ZFPL1: variants seen among roughly 807,000 people sequenced by gnomAD.
ZFPL1 encodes the protein zinc finger protein-like 1.
A neutral mutation model predicts 32.0 loss-of-function variants in ZFPL1; 28 were observed. The observed-to-expected ratio is 0.87, with a 90% confidence interval of 0.65 to 1.20. The LOEUF (loss-of-function observed/expected upper bound fraction) is 1.20, where lower values mean the gene tolerates loss of function less well. Among genes scored for constraint, ZFPL1 ranks in the 50% most tolerant of loss-of-function variants. The probability of loss-of-function intolerance (pLI) is 0.00; values close to 1 mark genes in which losing one functional copy is unlikely to be tolerated. For synonymous variants in ZFPL1, 165 were observed against 177.0 expected (o/e 0.93, Z 0.54); for missense variants, 386 against 424.8 (o/e 0.91, Z 0.80).
At chr11:65,085,997 T>C in intron 3 of ZFPL1, 1 of 238,898 alleles carries the variant, frequency 4.2e-6, no homozygotes, top group South Asian at 4.9e-5. Context: ...CCACTTGTGT[T>C]TGATTATGTG....
At chr11:65,084,475 T>C in intron 1 of ZFPL1, 97 bp downstream of exon 1, 1 of 575,902 alleles carries the variant, frequency 1.7e-6, no homozygotes, top group Non-Finnish European at 3.0e-6. Flanking sequence ...TGGAGGGGCC[T>C]GGCCGGGGGC....
chr11:65,085,007 A>G, intron 2 of ZFPL1, 108 bp from the exon 3 acceptor site: 1 of 1,184,030 alleles, frequency 8.4e-7, no homozygotes, highest in Non-Finnish European at 1.2e-6. Context: ...GATTAAACAA[A>G]CGAAAGGATG....
chr11:65,086,667 G>T (rs1565298916), intron 4 of ZFPL1, 53 bp from the exon 5 acceptor site: 1 of 1,614,068 alleles, frequency 6.2e-7, no homozygotes. Flanking sequence ...TGAGTCAGAT[G>T]GGTGGGTGGG....
intron 3 of ZFPL1, 171 bp from the exon 4 acceptor site, chr11:65,086,244 T>C (rs1308969205): frequency 3.3e-6 from 3 of 909,452 alleles, no homozygotes; most frequent in African/African-American, 3.3e-5. Flanking sequence ...TGGACTTAGA[T>C]GGTGGTAGCC....
At chr11:65,086,102 T>C (rs970350823) in intron 3 of ZFPL1, 4 of 444,198 alleles carry the variant, frequency 9.0e-6, no homozygotes, top group Admixed American at 8.1e-5. Context: ...CTGTTCATTA[T>C]TAGCCATTAG....
chr11:65,084,911 AG>A (rs1947657940), intron 2 of ZFPL1, 111 bp downstream of exon 2: 1 of 1,320,752 alleles, frequency 7.6e-7, no homozygotes, highest in Non-Finnish European at 1.1e-6. Context: ...CACAAGGGCA[AG>A]GACTTGATTT....
Position 65,088,309 on chromosome 11 carries a change from T to C in ZFPL1, c.*195T>C. On this transcript the variant is annotated 3_prime_UTR_variant, in exon 8 of 8. Transcript: ENST00000294258. ...AGTCCCCGTGGGTCAAGCATTTGTC[T>C]TGACTTGCTTTCCTCCCGGGTCTCC... The C allele has an allele frequency of 9.0e-7, 1 of 1,116,380 alleles. No individual in the cohort carries two copies. Among genetic ancestry groups the C allele is most frequent in the South Asian group, 1.4e-5 (1 of 72,262 alleles). The allele number at this position is 1,116,380 out of a possible 1,614,324, so 69.2% of individuals were successfully genotyped here. A position where few individuals can be genotyped will look rare whatever the true frequency, so the allele number is the denominator to read the frequency against.
In ZFPL1 at chr11:65,087,091, T is replaced by C. The variant is rs201616318; in HGVS notation, c.628+17T>C. The C allele has an allele frequency of 1.1e-5, 18 of 1,606,908 alleles. No homozygotes were observed. Among genetic ancestry groups the C allele is most frequent in the Non-Finnish European group, 1.4e-5 (17 of 1,174,886 alleles). On this transcript the variant is annotated intron_variant, in intron 6 of 7. Transcript: ENST00000294258. ...TGACTCACGGTGAGCCTGGGAGTTA[T>C]CCAGGCCGCAGAAGGATAGGAAGAG...
chr11:65,086,699 G>C, intron 4 of ZFPL1, 21 bp from the exon 5 acceptor site: 1 of 1,614,218 alleles, frequency 6.2e-7, no homozygotes, highest in Non-Finnish European at 8.5e-7. Flanking sequence ...GCAGCCTGGT[G>C]ACCCAGATTC....
intron 6 of ZFPL1, 56 bp downstream of exon 6, chr11:65,087,130 G>A: frequency 6.3e-7 from 1 of 1,584,172 alleles, no homozygotes; most frequent in Non-Finnish European, 8.6e-7. Context: ...GGAATGGTTT[G>A]TATAGGGGGA....
Position 65,086,057 on chromosome 11 carries a change from G to T in ZFPL1, c.215-358G>T, listed in dbSNP as rs144969534. 1.9e-3 allele frequency: 678 copies of T among 355,034 alleles called. 5 individuals are homozygous for T. Among genetic ancestry groups the T allele is most frequent in the African/African-American group, 0.013 (597 of 47,120 alleles). The allele number at this position is 355,034 out of a possible 1,614,324, so 22.0% of individuals were successfully genotyped here. ...CCCAGGGATGTGTACATGTATATGT[G>T]TGCCTGTGTGTGTATCGAGGAACCT... On this transcript the variant is annotated intron_variant, in intron 3 of 7. Transcript: ENST00000294258.
At chr11:65,085,530 TTAGC>T (rs942243770) in intron 3 of ZFPL1, 5 of 441,520 alleles carry the variant, frequency 1.1e-5, no homozygotes, top group Admixed American at 1.0e-4. Flanking sequence ...GCCGTGACTA[TTAGC>T]TAGCCAGACC....
At position 65,084,368 on chromosome 11, in the gene ZFPL1, C is replaced by A. The variant is rs960491137; in HGVS notation, c.-19C>A. ...CAGTGCAGCGGCCGATCAGTAAACACAGAGACTGGGGTCTGTAGAGAAGGG... is the reference window on the plus strand; with the variant it reads ...CAGTGCAGCGGCCGATCAGTAAACAAAGAGACTGGGGTCTGTAGAGAAGGG... On this transcript the variant is annotated 5_prime_UTR_variant, in exon 1 of 8. Coordinates refer to ENST00000294258, the MANE Select transcript of ZFPL1 (RefSeq NM_006782.4). 22 of 498,854 alleles carry A rather than the reference C, an allele frequency of 4.4e-5. No individual in the cohort carries two copies. The highest frequency in any genetic ancestry group is 3.8e-4 in the African/African-American group (18 of 46,896). The allele number at this position is 498,854 out of a possible 1,614,324, so 30.9% of individuals were successfully genotyped here.
intron 3 of ZFPL1, chr11:65,085,459 T>G: frequency 1.8e-6 from 1 of 558,582 alleles, no homozygotes; most frequent in Non-Finnish European, 3.2e-6. Flanking sequence ...TTCCTAAAAA[T>G]TAAGCCCTGC....
intron 3 of ZFPL1, chr11:65,086,050 T>G: frequency 3.0e-6 from 1 of 338,656 alleles, no homozygotes; most frequent in Non-Finnish European, 5.6e-6. Context: ...TGTGTACATG[T>G]ATATGTGTGC....
intron 1 of ZFPL1, 67 bp from the exon 2 acceptor site, chr11:65,084,624 G>A: frequency 7.4e-7 from 1 of 1,358,514 alleles, no homozygotes; most frequent in Non-Finnish European, 1.0e-6. Context: ...AGTGGAAACT[G>A]GGCTGGTGAG....
In ZFPL1 at chr11:65,088,385, C is replaced by A; in HGVS notation, c.*271C>A. 2 of 1,453,774 alleles carry A rather than the reference C, an allele frequency of 1.4e-6. No homozygotes were observed. Among genetic ancestry groups the A allele is most frequent in the Non-Finnish European group, 1.9e-6 (2 of 1,071,802 alleles). 90.1% of individuals were successfully genotyped at this position (1,453,774 alleles called of 1,614,324 possible). On this transcript the variant is annotated 3_prime_UTR_variant, in exon 8 of 8. Coordinates refer to ENST00000294258, the MANE Select transcript of ZFPL1 (RefSeq NM_006782.4). ...GGAGCTGGCAGGTGGAAATAAACAA[C>A]AACTTTATTAAAACACCCGAGGCAG...
At chr11:65,087,575 G>A in intron 7 of ZFPL1, 142 bp downstream of exon 7, 1 of 778,490 alleles carries the variant, frequency 1.3e-6, no homozygotes, top group Non-Finnish European at 2.1e-6. Context: ...GTGCAGAGAG[G>A]CCTTGGCTGT....
In ZFPL1 at chr11:65,087,054, A is replaced by G. The variant is rs368358868; in HGVS notation, c.608A>G (p.Asn203Ser). ...PEQHTVIHMG[N>S]PEPLTHAPRK... ...CAGCACACAGTGATCCACATGGGCAATCCTGAGCCCTTGACTCACGGTGAG... is the reference window on the plus strand; with the variant it reads ...CAGCACACAGTGATCCACATGGGCAGTCCTGAGCCCTTGACTCACGGTGAG... Residue 203 changes from asparagine (N) to serine (S), a missense_variant, in exon 6 of 8, where the codon AAT becomes AGT. Transcript: ENST00000294258. The G allele has an allele frequency of 9.9e-6, 16 of 1,613,720 alleles. 1 individual carries two copies. Among genetic ancestry groups the G allele is most frequent in the Middle Eastern group, 1.7e-4 (1 of 6,058 alleles).
Sources: allele counts gnomAD v4.1 joint callset, GRCh38; gene constraint gnomAD v4.1.1; transcripts MANE v1.5; gene names NCBI Gene and HGNC (gene_info 2026-07-23, HGNC 2026-07-21).